The following PCDHGA1 variants were observed in gnomAD, a reference collection of about 807,000 sequenced individuals.
The protein encoded by PCDHGA1 is protocadherin gamma-A1.
Under a neutral mutation model 58.0 loss-of-function variants are expected in PCDHGA1, and 32 were observed. The observed-to-expected ratio is 0.55, with a 90% CI of 0.42 to 0.74. The LOEUF is 0.74. PCDHGA1 is among the 30% of genes least tolerant of loss of function. The pLI is 0.00. For synonymous variants in PCDHGA1, 498 were observed against 501.1 expected (o/e 0.99, Z 0.08); for missense variants, 1,205 against 1,182.3 (o/e 1.02, Z -0.28).
intron 1 of PCDHGA1, among the ~76,000 whole-genome samples, chr5:141,386,902 G>A (rs2090736648): frequency 6.6e-6 from 1 of 152,206 alleles, no homozygotes; most frequent in Non-Finnish European, 1.5e-5. Flanking sequence ...TCAATTCAGA[G>A]GTCACCAAGG....
chr5:141,374,581 C>G, intron 1 of PCDHGA1: 14 of 1,613,660 alleles, frequency 8.7e-6, no homozygotes, highest in Non-Finnish European at 1.0e-5. Flanking sequence ...GAATGAACTC[C>G]CTTCAGGGAT....
chr5:141,389,905 C>T (rs1254194844), intron 1 of PCDHGA1: 1 of 1,613,984 alleles, frequency 6.2e-7, no homozygotes, highest in Non-Finnish European at 8.5e-7. Flanking sequence ...CCGGATATCA[C>T]TGACCGCCCC....
chr5:141,400,099 T>G (rs574278907), intron 1 of PCDHGA1: 1 of 1,614,072 alleles, frequency 6.2e-7, no homozygotes, highest in African/African-American at 1.3e-5. Flanking sequence ...CACGCTGCAC[T>G]TGGTCTTTGC....
chr5:141,408,443 A>G (rs1486863170), intron 1 of PCDHGA1: 1 of 1,613,956 alleles, frequency 6.2e-7, no homozygotes, highest in Non-Finnish European at 8.5e-7. Flanking sequence ...AGACGCGGAG[A>G]GCGGGGACTT....
intron 1 of PCDHGA1, chr5:141,390,867 C>CGT (rs61319619): frequency 0.024 from 3,656 of 151,102 alleles, 86 homozygotes; most frequent in African/African-American, 0.056. Flanking sequence ...GCTGTGTGTG[C>CGT]GTGTGTGTGT....
intron 1 of PCDHGA1, among the ~76,000 whole-genome samples, chr5:141,382,076 G>T (rs185685959): frequency 6.6e-6 from 1 of 152,032 alleles, no homozygotes; most frequent in Non-Finnish European, 1.5e-5. Context: ...TGATCCGCCC[G>T]CCTCGGCCTC....
At chr5:141,465,775 T>TA (rs2099108994) in intron 1 of PCDHGA1, among the ~76,000 whole-genome samples, 1 of 152,030 alleles carries the variant, frequency 6.6e-6, no homozygotes, top group African/African-American at 2.4e-5. Context: ...CATCTCTTGT[T>TA]ACAGTTTTTT....
chr5:141,410,530 T>C (rs1400165380), intron 1 of PCDHGA1: 1 of 1,613,956 alleles, frequency 6.2e-7, no homozygotes, highest in South Asian at 1.1e-5. Context: ...TACATTCCAA[T>C]GAAGACATGG....
intron 1 of PCDHGA1, chr5:141,409,909 T>C (rs772516694): frequency 1.2e-6 from 2 of 1,613,200 alleles, no homozygotes; most frequent in African/African-American, 2.7e-5. Flanking sequence ...CTCTGGGTCC[T>C]GACGGCTCCG....
chr5:141,400,128 G>T, intron 1 of PCDHGA1: 1 of 1,614,080 alleles, frequency 6.2e-7, no homozygotes, highest in Non-Finnish European at 8.5e-7. Context: ...TGCAGGAGGT[G>T]CTGCCGGATA....
In PCDHGA1 at chr5:141,489,153, G is replaced by C; in HGVS notation, c.2422-5654G>C. Reference sequence around the variant, plus strand: ...TTTAAGAGGCTGGAAGGAGACATAAGAGACTTCAGCTGCTGCATTCCAAGC... The same window carrying C: ...TTTAAGAGGCTGGAAGGAGACATAACAGACTTCAGCTGCTGCATTCCAAGC... On this transcript the variant is annotated intron_variant, in intron 1 of 3. Coordinates refer to ENST00000517417, the MANE Select transcript of PCDHGA1 (RefSeq NM_018912.3). This position sits in a 1 kb window ranked among gnomAD's most constrained non-coding sequence, Gnocchi z 4.5. 1 of 935,832 alleles carries C rather than the reference G, an allele frequency of 1.1e-6. No individual in the cohort carries two copies. Among genetic ancestry groups the C allele is most frequent in the Non-Finnish European group, 1.6e-6 (1 of 627,178 alleles). The allele number at this position is 935,832 out of a possible 1,614,324, so 58.0% of individuals were successfully genotyped here.
chr5:141,501,290 T>TACACAC lies in PCDHGA1; in HGVS notation c.2481-4064_2481-4059dup, dbSNP rs55762287. Among the ~76,000 whole-genome samples the TACACAC allele has an allele frequency of 5.7e-3, 774 of 136,224 alleles. 5 individuals are homozygous for TACACAC. The highest frequency in any genetic ancestry group is 9.9e-3 in the African/African-American group (361 of 36,504). The allele number at this position is 136,224 out of a possible 152,430, so 89.4% of individuals were successfully genotyped here. A position where few individuals can be genotyped will look rare whatever the true frequency, so the allele number is the denominator to read the frequency against. ...GTCCAGTCTATGGGATATTCCCTTA[T>TACACAC]ACACACACACACACACACACACACA... On this transcript the variant is annotated intron_variant, in intron 2 of 3. Transcript: ENST00000517417.
chr5:141,344,461 G>C, intron 1 of PCDHGA1: 1 of 1,613,820 alleles, frequency 6.2e-7, no homozygotes, highest in Non-Finnish European at 8.5e-7. Context: ...ATAAAAATTG[G>C]TGAACTAACG....
intron 1 of PCDHGA1, chr5:141,350,586 A>C: frequency 6.2e-7 from 1 of 1,614,018 alleles, no homozygotes; most frequent in Admixed American, 1.7e-5. Flanking sequence ...GTCGCTGAAA[A>C]CCCAATGAAT....
intron 2 of PCDHGA1, among the ~76,000 whole-genome samples, chr5:141,495,107 AC>A (rs1422274779): frequency 1.3e-5 from 2 of 152,048 alleles, no homozygotes; most frequent in Non-Finnish European, 2.9e-5. Context: ...CACGACCGGC[AC>A]CTTTTCCTAT....
intron 2 of PCDHGA1, among the ~76,000 whole-genome samples, chr5:141,502,170 G>A (rs1165631931): frequency 6.6e-6 from 1 of 152,128 alleles, no homozygotes; most frequent in Admixed American, 6.5e-5. Context: ...TTCAGTTGAG[G>A]AATTTAACAT....
intron 1 of PCDHGA1, among the ~76,000 whole-genome samples, chr5:141,347,248 G>A (rs768433693): frequency 2.0e-4 from 30 of 151,524 alleles, no homozygotes; most frequent in Middle Eastern, 6.8e-3. Flanking sequence ...TGACCTCGCA[G>A]ACTCAAGTGA....
rs1200950542 is a variant in PCDHGA1, at chr5:141,409,998, G to A, written c.2421+76893G>A. 4 of 1,613,236 alleles carry A rather than the reference G, an allele frequency of 2.5e-6. No homozygotes were observed. In the Admixed American group the frequency reaches 6.7e-5, roughly 27 times the overall value. On this transcript the variant is annotated intron_variant, in intron 1 of 3. Coordinates refer to ENST00000517417, the MANE Select transcript of PCDHGA1 (RefSeq NM_018912.3). ...GTGGTAGCGGTGGACGCCGACTCGGGACACAACGCCTGGCTGTCCTACCAC... is the reference window on the plus strand; with the variant it reads ...GTGGTAGCGGTGGACGCCGACTCGGAACACAACGCCTGGCTGTCCTACCAC...
In PCDHGA1 at chr5:141,459,352, C is replaced by T. The variant is rs111826527; in HGVS notation, c.2422-35455C>T. On this transcript the variant is annotated intron_variant, in intron 1 of 3. Coordinates refer to ENST00000517417, the MANE Select transcript of PCDHGA1 (RefSeq NM_018912.3). Reference sequence around the variant, plus strand: ...TACTCCAAAGTTCTTGAAATTCATTCATGTTCCTGTGTGTATCAGCAGCGT... The same window carrying T: ...TACTCCAAAGTTCTTGAAATTCATTTATGTTCCTGTGTGTATCAGCAGCGT... 1.4e-4 allele frequency among the ~76,000 whole-genome samples: 21 copies of T among 152,304 alleles called. No homozygotes were observed. The East Asian group carries it at 3.7e-3, about 27-fold the overall frequency.
Sources: allele counts gnomAD v4.1 joint callset (sites outside exome capture counted in the v4.1 genomes callset), GRCh38; gene constraint gnomAD v4.1.1; non-coding constraint Gnocchi (gnomAD v3.1); transcripts MANE v1.5; gene names NCBI Gene and HGNC (gene_info 2026-07-23, HGNC 2026-07-21).